THSD7B: variants seen among roughly 807,000 people sequenced by gnomAD.
The protein encoded by THSD7B is thrombospondin type-1 domain-containing protein 7B.
THSD7B carries 138 observed loss-of-function variants against 213.6 expected under a neutral mutation model. That is an observed-to-expected ratio of 0.65 (90% CI 0.56 to 0.74). The LOEUF is 0.74. Ranked by LOEUF, THSD7B falls within the 30% of genes least tolerant of loss-of-function variation. THSD7B has a pLI of 0.00. For missense variants in THSD7B, 1,931 were observed against 1,991.5 expected (o/e 0.97, Z 0.58); for synonymous variants, 742 against 687.0 (o/e 1.08, Z -1.25).
chr2:137,363,396 C>T (rs1573984678), intron 12 of THSD7B, among the ~76,000 whole-genome samples: 1 of 152,172 alleles, frequency 6.6e-6, no homozygotes, highest in East Asian at 1.9e-4. Flanking sequence ...CAGAGCAGAA[C>T]AGAAGGAGAC....
At chr2:137,025,501 A>G (rs981295888) in intron 2 of THSD7B, among the ~76,000 whole-genome samples, 5 of 152,126 alleles carry the variant, frequency 3.3e-5, no homozygotes, top group Admixed American at 2.6e-4. Flanking sequence ...GGTAACAAAT[A>G]GATCCCCAAA....
intron 15 of THSD7B, among the ~76,000 whole-genome samples, chr2:137,526,691 T>C (rs1039275449): frequency 2.0e-5 from 3 of 152,174 alleles, no homozygotes; most frequent in Non-Finnish European, 2.9e-5. Context: ...CCCAAAGTGC[T>C]GGGATTACAG....
chr2:137,177,115 A>G (rs1014052678), intron 7 of THSD7B, among the ~76,000 whole-genome samples: 1 of 152,250 alleles, frequency 6.6e-6, no homozygotes. Context: ...AGATCATTCA[A>G]TATTTTGAAC....
intron 20 of THSD7B, among the ~76,000 whole-genome samples, chr2:137,621,276 C>T (rs998209009): frequency 2.0e-5 from 3 of 152,166 alleles, no homozygotes; most frequent in Non-Finnish European, 1.5e-5. Flanking sequence ...GCATACATCT[C>T]TTACATATAT....
chr2:137,201,812 A>G (rs1573882706), intron 7 of THSD7B, among the ~76,000 whole-genome samples: 1 of 152,144 alleles, frequency 6.6e-6, no homozygotes, highest in South Asian at 2.1e-4. Flanking sequence ...TTAACCACTC[A>G]GGTGGATGAG....
chr2:137,234,677 T>C (rs1681725661), intron 9 of THSD7B, among the ~76,000 whole-genome samples: 1 of 152,176 alleles, frequency 6.6e-6, no homozygotes, highest in African/African-American at 2.4e-5. Flanking sequence ...ATCTGGCAGG[T>C]AGTTAGTATA....
intron 5 of THSD7B, among the ~76,000 whole-genome samples, chr2:137,148,293 T>TG (rs1413596975): frequency 6.6e-6 from 1 of 152,172 alleles, no homozygotes; most frequent in African/African-American, 2.4e-5. Context: ...TGCGAATCTG[T>TG]GAGTCAATTA....
chr2:137,044,246 C>T (rs1686930624), intron 2 of THSD7B, among the ~76,000 whole-genome samples: 1 of 152,180 alleles, frequency 6.6e-6, no homozygotes, highest in African/African-American at 2.4e-5. Context: ...TTACATTCAC[C>T]CCCTTTTCAT....
At chr2:137,485,715 G>A (rs1468850516) in intron 15 of THSD7B, among the ~76,000 whole-genome samples, 1 of 152,134 alleles carries the variant, frequency 6.6e-6, no homozygotes, top group African/African-American at 2.4e-5. Flanking sequence ...AAGTTGAAAT[G>A]AAGCAAAAAA....
intron 7 of THSD7B, among the ~76,000 whole-genome samples, chr2:137,228,498 T>C (rs546209430): frequency 4.6e-5 from 7 of 152,278 alleles, no homozygotes; most frequent in Non-Finnish European, 1.0e-4. Context: ...AAAACTTATG[T>C]TTCAGTCTAG....
At position 137,517,629 on chromosome 2, in the gene THSD7B, T is replaced by C. The variant is rs377459457; in HGVS notation, c.3139-45592T>C. On this transcript the variant is annotated intron_variant, in intron 15 of 27. Coordinates refer to ENST00000409968, the MANE Select transcript of THSD7B (RefSeq NM_001316349.2). ...CGAGTGATCCAAAAGACTGCCAGTTTTGAGTGGGATCTAGAAGAGAAGAAG... is the reference window on the plus strand; with the variant it reads ...CGAGTGATCCAAAAGACTGCCAGTTCTGAGTGGGATCTAGAAGAGAAGAAG... Among the ~76,000 whole-genome samples the C allele has an allele frequency of 2.2e-4, 33 of 152,352 alleles. No individual in the cohort carries two copies. In the South Asian group the frequency reaches 6.8e-3, roughly 32 times the overall value.
In THSD7B at chr2:137,676,799, C is replaced by T. The variant is rs1683712586; in HGVS notation, c.*194C>T. On this transcript the variant is annotated 3_prime_UTR_variant, in exon 28 of 28. Coordinates refer to ENST00000409968, the MANE Select transcript of THSD7B (RefSeq NM_001316349.2). ...ATTATTAGGTCTGCCATTTTGTTTT[C>T]AAGTTGTTTGTGGGTGTGTTTTATT... 1 of 478,334 alleles carries T rather than the reference C, an allele frequency of 2.1e-6. No homozygotes were observed. Among genetic ancestry groups the T allele is most frequent in the East Asian group, 3.7e-5 (1 of 27,060 alleles). The allele number at this position is 478,334 out of a possible 1,614,324, so 29.6% of individuals were successfully genotyped here.
At chr2:136,989,162 A>T (rs967530118) in intron 2 of THSD7B, among the ~76,000 whole-genome samples, 12 of 152,208 alleles carry the variant, frequency 7.9e-5, no homozygotes, top group Non-Finnish European at 1.3e-4. Context: ...GGGTATTCCC[A>T]GTAGAAGGAA....
At chr2:137,353,419 A>G (rs927738952) in intron 12 of THSD7B, among the ~76,000 whole-genome samples, 2 of 152,040 alleles carry the variant, frequency 1.3e-5, no homozygotes, top group African/African-American at 4.8e-5. Flanking sequence ...TGCGCATCCT[A>G]GCTTCCCCGT....
chr2:137,473,082 T>C (rs1272785742), intron 15 of THSD7B, among the ~76,000 whole-genome samples: 1 of 151,484 alleles, frequency 6.6e-6, no homozygotes, highest in Admixed American at 6.6e-5. Flanking sequence ...TGCAAACAAA[T>C]ACTATTAATT....
In THSD7B at chr2:137,056,765, T is replaced by C. The variant is rs1331763289; in HGVS notation, c.485T>C (p.Phe162Ser). ...TVVANEICEHFALQPPTEQAC... is the reference protein window; with the variant it reads ...TVVANEICEHSALQPPTEQAC... Reference sequence around the variant, plus strand: ...GTTGCAAATGAAATATGCGAACACTTTGCCCTTCAGCCTCCTACAGAACAG... The same window carrying C: ...GTTGCAAATGAAATATGCGAACACTCTGCCCTTCAGCCTCCTACAGAACAG... The change falls in exon 3 of 28, where the codon TTT becomes TCT. Residue 162 changes from phenylalanine (F) to serine (S), a missense_variant. Coordinates refer to ENST00000409968, the MANE Select transcript of THSD7B (RefSeq NM_001316349.2). The C allele has an allele frequency of 6.2e-7, 1 of 1,613,860 alleles. No individual in the cohort carries two copies. The highest frequency in any genetic ancestry group is 8.5e-7 in the Non-Finnish European group (1 of 1,179,890).
chr2:136,923,547 T>C (rs1247578831), intron 2 of THSD7B, among the ~76,000 whole-genome samples: 1 of 152,190 alleles, frequency 6.6e-6, no homozygotes, highest in African/African-American at 2.4e-5. Context: ...TTTTTCCTAA[T>C]GCCTGCCCTA....
At chr2:137,391,557 A>T (rs543684448) in intron 12 of THSD7B, among the ~76,000 whole-genome samples, 2 of 151,838 alleles carry the variant, frequency 1.3e-5, no homozygotes, top group Non-Finnish European at 2.9e-5. Context: ...GCATGGTAGC[A>T]TGTGCCTGTA....
intron 20 of THSD7B, among the ~76,000 whole-genome samples, chr2:137,621,837 T>C (rs1682525566): frequency 6.6e-6 from 1 of 152,152 alleles, no homozygotes; most frequent in African/African-American, 2.4e-5. Context: ...TTCTTGTGGC[T>C]AGAAGGTTCA....
Sources: allele counts gnomAD v4.1 joint callset (sites outside exome capture counted in the v4.1 genomes callset), GRCh38; gene constraint gnomAD v4.1.1; transcripts MANE v1.5; gene names NCBI Gene and HGNC (gene_info 2026-07-23, HGNC 2026-07-21).